Variants in FBXL17 observed in about 807,000 individuals in gnomAD.
FBXL17 encodes F-box and leucine rich repeat protein 17.
Under a neutral mutation model 66.2 loss-of-function variants are expected in FBXL17, and 22 were observed. The ratio of observed to expected loss-of-function variants is 0.33; its 90% CI spans 0.24 to 0.47. The LOEUF (loss-of-function observed/expected upper bound fraction) is 0.47. Among genes scored for constraint, FBXL17 ranks in the 20% least tolerant of loss-of-function variants. The pLI, the probability that FBXL17 is intolerant of heterozygous loss-of-function variation, is 1.00. For missense variants in FBXL17, 878 were observed against 948.2 expected, an observed-to-expected ratio of 0.93 and a Z score of 0.97; for synonymous variants, 474 against 400.5, an observed-to-expected ratio of 1.18 and a Z score of -2.19.
At chr5:108,187,760 C>A (rs1285821194) in intron 5 of FBXL17, among the ~76,000 whole-genome samples, 1 of 152,192 alleles carries the variant, frequency 6.6e-6, no homozygotes, top group African/African-American at 2.4e-5. Flanking sequence ...GAAACACAAT[C>A]CAGCTGACAC....
chr5:108,037,739 A>G (rs1746899459), intron 6 of FBXL17, among the ~76,000 whole-genome samples: 1 of 152,196 alleles, frequency 6.6e-6, no homozygotes, highest in East Asian at 1.9e-4. Context: ...TTTTTGTAAG[A>G]ATTAAAATAA....
intron 7 of FBXL17, among the ~76,000 whole-genome samples, chr5:108,005,272 T>C (rs1753882059): frequency 6.6e-6 from 1 of 152,120 alleles, no homozygotes; most frequent in African/African-American, 2.4e-5. Flanking sequence ...ACGTAAAGTA[T>C]CAGAGTCCCA....
At chr5:108,337,469 T>C (rs1020539933) in intron 4 of FBXL17, among the ~76,000 whole-genome samples, 1 of 152,140 alleles carries the variant, frequency 6.6e-6, no homozygotes, top group Non-Finnish European at 1.5e-5. Context: ...CTCATTCTTA[T>C]TCCAAGGAGT....
At chr5:108,212,447 G>C (rs1233421163) in intron 5 of FBXL17, among the ~76,000 whole-genome samples, 1 of 152,104 alleles carries the variant, frequency 6.6e-6, no homozygotes, top group Non-Finnish European at 1.5e-5. Flanking sequence ...TTTTGTGCTG[G>C]TTTCTCCCCA....
chr5:108,070,561 G>C (rs1049105300), intron 6 of FBXL17, among the ~76,000 whole-genome samples: 16 of 152,222 alleles, frequency 1.1e-4, no homozygotes, highest in South Asian at 2.1e-4. Flanking sequence ...TCTTACTGTT[G>C]TTTCCATTGC....
intron 6 of FBXL17, among the ~76,000 whole-genome samples, chr5:108,058,052 G>T (rs902225164): frequency 2.6e-5 from 4 of 152,170 alleles, no homozygotes; most frequent in African/African-American, 9.7e-5. Context: ...ATGAGACTAA[G>T]TTACTAGATT....
At chr5:107,933,948 A>C (rs1750813251) in intron 7 of FBXL17, among the ~76,000 whole-genome samples, 1 of 152,152 alleles carries the variant, frequency 6.6e-6, no homozygotes, top group South Asian at 2.1e-4. Context: ...GAATTCCTAC[A>C]GCGAGATGAC....
intron 7 of FBXL17, among the ~76,000 whole-genome samples, chr5:107,907,989 T>G (rs907691173): frequency 6.6e-6 from 1 of 152,198 alleles, no homozygotes; most frequent in African/African-American, 2.4e-5. Context: ...TAAAGACACA[T>G]GCACACGTAT....
intron 6 of FBXL17, among the ~76,000 whole-genome samples, chr5:108,116,573 G>A (rs555729042): frequency 5.8e-4 from 88 of 151,836 alleles, no homozygotes; most frequent in African/African-American, 2.0e-3. Flanking sequence ...GCTTGAACCC[G>A]GGAGGCAGAG....
At chr5:108,072,530 C>T (rs969136454) in intron 6 of FBXL17, among the ~76,000 whole-genome samples, 2 of 152,100 alleles carry the variant, frequency 1.3e-5, no homozygotes, top group African/African-American at 4.8e-5. Flanking sequence ...GGTGAAACCC[C>T]GTCTCTACTA....
intron 3 of FBXL17, among the ~76,000 whole-genome samples, chr5:108,362,788 A>G (rs1430620026): frequency 1.3e-5 from 2 of 152,128 alleles, no homozygotes; most frequent in African/African-American, 4.8e-5. Context: ...AAAGGCACAC[A>G]TATTTGGTAT....
At chr5:107,905,859 A>G (rs73780454) in intron 7 of FBXL17, among the ~76,000 whole-genome samples, 2,427 of 152,308 alleles carry the variant, frequency 0.016, 81 homozygotes, top group African/African-American at 0.056. Context: ...CAGCTGCCTC[A>G]GGCAGCTACA....
chr5:107,954,468 G>A (rs1751596750), intron 7 of FBXL17, among the ~76,000 whole-genome samples: 2 of 152,218 alleles, frequency 1.3e-5, no homozygotes, highest in South Asian at 4.1e-4. Context: ...GGCCATGGAA[G>A]GAGCACTGTT....
chr5:107,896,467 T>C (rs1221852116), intron 7 of FBXL17, among the ~76,000 whole-genome samples: 2 of 152,152 alleles, frequency 1.3e-5, no homozygotes, highest in African/African-American at 4.8e-5. Context: ...GTATTGTGAG[T>C]ATCCACTTAA....
At chr5:108,181,431 A>T (rs1471008307) in intron 6 of FBXL17, among the ~76,000 whole-genome samples, 1 of 152,196 alleles carries the variant, frequency 6.6e-6, no homozygotes, top group Non-Finnish European at 1.5e-5. Context: ...AACTCTCTAA[A>T]CACAAAAAGT....
chr5:107,880,730 A>T, intron 8 of FBXL17: 1 of 1,285,492 alleles, frequency 7.8e-7, no homozygotes, highest in Non-Finnish European at 9.8e-7. Flanking sequence ...TTGTCATGTA[A>T]TCTTTTACAT....
chr5:108,305,887 C>G (rs1169065719), intron 4 of FBXL17, among the ~76,000 whole-genome samples: 2 of 152,030 alleles, frequency 1.3e-5, no homozygotes, highest in Non-Finnish European at 2.9e-5. Flanking sequence ...AATGTTTACC[C>G]TTATTGTATG....
chr5:107,950,128 G>A (rs1014224967), intron 7 of FBXL17, among the ~76,000 whole-genome samples: 1 of 152,110 alleles, frequency 6.6e-6, no homozygotes, highest in Non-Finnish European at 1.5e-5. Flanking sequence ...GAAAGGGAGA[G>A]GGTTGTTGAA....
chr5:108,255,655 C>A (rs1236552128), intron 4 of FBXL17, among the ~76,000 whole-genome samples: 1 of 152,046 alleles, frequency 6.6e-6, no homozygotes, highest in Non-Finnish European at 1.5e-5. Flanking sequence ...AGTTTCACTG[C>A]CTGCAAGCAA....
Sources: gnomAD v4.1 joint callset for allele counts (sites outside exome capture counted in the v4.1 genomes callset) on GRCh38, gnomAD v4.1.1 for gene constraint, MANE v1.5 for transcripts, NCBI Gene and HGNC (gene_info 2026-07-23, HGNC 2026-07-21) for gene names.